OPCML: variants seen among roughly 807,000 people sequenced by gnomAD.
The protein encoded by OPCML is opioid-binding protein/cell adhesion molecule.
Under a neutral mutation model 37.8 loss-of-function variants are expected in OPCML, and 13 were observed. The ratio of observed to expected loss-of-function variants is 0.34; its 90% CI spans 0.22 to 0.55. The LOEUF (loss-of-function observed/expected upper bound fraction) is 0.55, where lower values mean the gene tolerates loss of function less well. Among genes scored for constraint, OPCML ranks in the 20% least tolerant of loss-of-function variants. OPCML has a pLI of 0.91. For missense variants in OPCML, 341 were observed against 435.6 expected, an observed-to-expected ratio of 0.78 and a Z score of 1.93; for synonymous variants, 176 against 168.8, an observed-to-expected ratio of 1.04 and a Z score of -0.33.
chr11:132,669,164 G>T (rs576088051), intron 2 of OPCML, among the ~76,000 whole-genome samples: 83 of 152,158 alleles, frequency 5.5e-4, no homozygotes, highest in African/African-American at 2.0e-3. Context: ...AGGCACTAGT[G>T]TTGTCCTTTT....
chr11:132,746,830 G>A (rs1945651296), intron 2 of OPCML, among the ~76,000 whole-genome samples: 1 of 152,150 alleles, frequency 6.6e-6, no homozygotes, highest in Admixed American at 6.6e-5. Flanking sequence ...GAGATAAAGA[G>A]CTGTCCTTCA....
At chr11:132,917,524 T>C (rs1300192167) in intron 2 of OPCML, among the ~76,000 whole-genome samples, 5 of 152,144 alleles carry the variant, frequency 3.3e-5, no homozygotes, top group African/African-American at 1.2e-4. Context: ...GGCCTAGCAA[T>C]TAATGGAGCT....
chr11:132,828,517 A>G (rs1940498128), intron 2 of OPCML, among the ~76,000 whole-genome samples: 1 of 151,756 alleles, frequency 6.6e-6, no homozygotes, highest in East Asian at 1.9e-4. Flanking sequence ...AACTCTCTCT[A>G]TTTTCTGTTT....
At position 133,174,966 on chromosome 11, in the gene OPCML, A is replaced by G. The variant is rs1055195061; in HGVS notation, c.62-231956T>C. Among the ~76,000 whole-genome samples the G allele has an allele frequency of 5.3e-5, 8 of 152,318 alleles. No individual in the cohort carries two copies. The highest frequency in any genetic ancestry group is 1.7e-4 in the African/African-American group (7 of 41,584). On this transcript the variant is annotated intron_variant, in intron 1 of 7. Transcript: ENST00000524381. This position sits in a 1 kb window ranked among gnomAD's most constrained non-coding sequence, Gnocchi z 4.6. ...AAAAATTTTTAAAAAGTAACTGTAC[A>G]TGGTGTTGCACACCTATAGTTCCAG...
At chr11:133,167,237 A>G (rs1273943091) in intron 1 of OPCML, among the ~76,000 whole-genome samples, 1 of 152,176 alleles carries the variant, frequency 6.6e-6, no homozygotes, top group East Asian at 1.9e-4. Flanking sequence ...TTCCCTCATC[A>G]TCATCATTAT....
intron 4 of OPCML, among the ~76,000 whole-genome samples, chr11:132,521,387 T>A (rs974089318): frequency 2.6e-5 from 4 of 152,198 alleles, no homozygotes. Context: ...TTTAATTAGA[T>A]CCCATTTGTC....
intron 1 of OPCML, among the ~76,000 whole-genome samples, chr11:133,061,368 T>C (rs941639115): frequency 6.6e-6 from 1 of 152,208 alleles, no homozygotes; most frequent in Admixed American, 6.5e-5. Flanking sequence ...AATTCTGCAG[T>C]GGATGTGTTT....
At chr11:133,279,299 C>A (rs1942076038) in intron 1 of OPCML, among the ~76,000 whole-genome samples, 2 of 152,158 alleles carry the variant, frequency 1.3e-5, no homozygotes, top group African/African-American at 4.8e-5. Flanking sequence ...TAGGTCATTT[C>A]TTTTTCAGGT....
chr11:133,061,838 G>A (rs756472477), intron 1 of OPCML, among the ~76,000 whole-genome samples: 30 of 138,416 alleles, frequency 2.2e-4, no homozygotes, highest in Admixed American at 1.0e-3. Flanking sequence ...GTTCCATTTC[G>A]TTTGTTTTCC....
At chr11:133,527,041 G>C (rs1201596988) in intron 1 of OPCML, among the ~76,000 whole-genome samples, 1 of 152,208 alleles carries the variant, frequency 6.6e-6, no homozygotes, top group Non-Finnish European at 1.5e-5. Flanking sequence ...ATATCTCTCT[G>C]TCTCCAGCCC....
chr11:133,208,257 T>C lies in OPCML; in HGVS notation c.62-265247A>G, dbSNP rs1311888041. Among the ~76,000 whole-genome samples the C allele has an allele frequency of 6.6e-6, 1 of 152,214 alleles. No individual in the cohort carries two copies. Among genetic ancestry groups the C allele is most frequent in the East Asian group, 1.9e-4 (1 of 5,192 alleles). ...CATTGTATTACATTGCATTGCACTG[T>C]ATTGTTGTATTACCACGTATAAATA... On this transcript the variant is annotated intron_variant, in intron 1 of 7. Coordinates refer to ENST00000524381, the MANE Select transcript of OPCML (RefSeq NM_001012393.5). This position sits in a 1 kb window ranked among gnomAD's most constrained non-coding sequence, Gnocchi z 8.9.
intron 1 of OPCML, among the ~76,000 whole-genome samples, chr11:133,493,752 A>G (rs1392336931): frequency 6.6e-6 from 1 of 152,222 alleles, no homozygotes; most frequent in Non-Finnish European, 1.5e-5. Flanking sequence ...TTAATGTTTT[A>G]GACATGAAGT....
intron 2 of OPCML, among the ~76,000 whole-genome samples, chr11:132,937,564 C>T (rs1406633615): frequency 4.3e-5 from 5 of 116,312 alleles, no homozygotes; most frequent in East Asian, 2.5e-4. Flanking sequence ...GTGTGTGTGT[C>T]GTGTGTGTGT....
At chr11:132,634,689 AATTTTTAACATTTTTTCT>A (rs1351824530) in intron 3 of OPCML, among the ~76,000 whole-genome samples, 2 of 152,264 alleles carry the variant, frequency 1.3e-5, no homozygotes, top group Non-Finnish European at 2.9e-5. Context: ...ACTTTCTTAA[AATTTTTAACATTTTTTCT>A]GTCCACTCCA....
intron 4 of OPCML, among the ~76,000 whole-genome samples, chr11:132,522,071 A>G (rs76077180): frequency 0.011 from 1,624 of 152,336 alleles, 15 homozygotes; most frequent in Middle Eastern, 0.027. Context: ...TAAAAGTGTA[A>G]TCATACAATA....
At chr11:133,514,282 G>A in intron 1 of OPCML, among the ~76,000 whole-genome samples, 1 of 152,208 alleles carries the variant, frequency 6.6e-6, no homozygotes, top group Non-Finnish European at 1.5e-5. Context: ...TGCAAGGGAG[G>A]CGAGTTGGCT....
chr11:132,542,371 AT>A lies in OPCML; in HGVS notation c.380-13186del, dbSNP rs1343057875. On this transcript the variant is annotated intron_variant, in intron 3 of 7. Coordinates refer to ENST00000524381, the MANE Select transcript of OPCML (RefSeq NM_001012393.5). ...TGTGGCTTTCTGAAACTACTTTTGC[AT>A]GTCCATCTTGTCCCCCATCCTAAAT... Among the ~76,000 whole-genome samples, 46 of 152,076 alleles carry A rather than the reference AT, an allele frequency of 3.0e-4. 1 individual carries two copies. The highest frequency in any genetic ancestry group is 3.0e-3 in the Admixed American group (46 of 15,252).
At chr11:132,867,997 A>G (rs1437433412) in intron 2 of OPCML, among the ~76,000 whole-genome samples, 1 of 152,208 alleles carries the variant, frequency 6.6e-6, no homozygotes, top group Non-Finnish European at 1.5e-5. Context: ...GTTCAAGCCA[A>G]TCTTATTTGT....
intron 1 of OPCML, among the ~76,000 whole-genome samples, chr11:132,972,066 G>A (rs1156632883): frequency 6.6e-6 from 1 of 152,160 alleles, no homozygotes; most frequent in Non-Finnish European, 1.5e-5. Flanking sequence ...CAGGGATGGG[G>A]CATTCTTGTT....
Sources: allele counts gnomAD v4.1 joint callset (sites outside exome capture counted in the v4.1 genomes callset), GRCh38; gene constraint gnomAD v4.1.1; non-coding constraint Gnocchi (gnomAD v3.1); transcripts MANE v1.5; gene names NCBI Gene and HGNC (gene_info 2026-07-23, HGNC 2026-07-21).